Variants in DPF3 observed in about 807,000 individuals in gnomAD.
DPF3 encodes the protein zinc finger protein DPF3.
In DPF3, 18 loss-of-function variants were observed where a neutral mutation model predicts 56.8. That is an observed-to-expected ratio of 0.32 (90% CI 0.22 to 0.47). DPF3 has a LOEUF of 0.47. DPF3 is among the 20% of genes least tolerant of loss of function. The pLI is 1.00. For synonymous variants in DPF3, 188 were observed against 180.2 expected (o/e 1.04, Z -0.35); for missense variants, 403 against 488.8 (o/e 0.82, Z 1.65).
At chr14:72,893,012 G>GC (rs879932565) in intron 1 of DPF3, among the ~76,000 whole-genome samples, 2,195 of 123,438 alleles carry the variant, frequency 0.018, 105 homozygotes, top group South Asian at 0.028. Flanking sequence ...AGGAAGGAAG[G>GC]AAGGAAGGAA....
chr14:72,661,264 G>T (rs1192476832), intron 8 of DPF3: 1 of 985,294 alleles, frequency 1.0e-6, no homozygotes, highest in Non-Finnish European at 1.2e-6. Flanking sequence ...GACACTCTCG[G>T]TGATCCCCTC....
chr14:72,784,605 T>C (rs1369753051), intron 1 of DPF3, among the ~76,000 whole-genome samples: 1 of 152,166 alleles, frequency 6.6e-6, no homozygotes, highest in African/African-American at 2.4e-5. Flanking sequence ...GTCCACCTCA[T>C]CAAGAGTCAT....
intron 1 of DPF3, among the ~76,000 whole-genome samples, chr14:72,776,963 A>T (rs1410183461): frequency 6.6e-6 from 1 of 152,038 alleles, no homozygotes; most frequent in Non-Finnish European, 1.5e-5. Context: ...GAACTGAGTT[A>T]TTTCATTTAT....
In DPF3 at chr14:72,611,290, C is replaced by T. The variant is rs114370169; in HGVS notation, c.*8007G>A. Among the ~76,000 whole-genome samples, 2,942 of 152,304 alleles carry T rather than the reference C, an allele frequency of 0.019. 78 individuals are homozygous for T. The highest frequency in any genetic ancestry group is 0.068 in the African/African-American group (2,808 of 41,544). On this transcript the variant is annotated 3_prime_UTR_variant, in exon 11 of 11. Transcript: ENST00000556509. ...TGGAGAAAAGGAAAGATGAAACAAACGGTTTATTCCTAATGCTGTCAACAC... is the reference window on the plus strand; with the variant it reads ...TGGAGAAAAGGAAAGATGAAACAAATGGTTTATTCCTAATGCTGTCAACAC...
intron 6 of DPF3, among the ~76,000 whole-genome samples, chr14:72,709,185 C>T (rs1042081368): frequency 3.3e-5 from 5 of 152,222 alleles, no homozygotes; most frequent in Admixed American, 3.3e-4. Flanking sequence ...CAGGGTGAAG[C>T]GGCCACACAG....
At chr14:72,625,410 GAC>G (rs755604941) in intron 9 of DPF3, among the ~76,000 whole-genome samples, 20 of 152,034 alleles carry the variant, frequency 1.3e-4, no homozygotes, top group Non-Finnish European at 2.2e-4. Flanking sequence ...GTGTCCTCTA[GAC>G]GCATGAAAAT....
At chr14:72,751,188 CTCTAAACAAAAA>C (rs1231728020) in intron 3 of DPF3, among the ~76,000 whole-genome samples, 2 of 152,072 alleles carry the variant, frequency 1.3e-5, no homozygotes, top group African/African-American at 4.8e-5. Flanking sequence ...TGACCCTACC[CTCTAAACAAAAA>C]TTAAAAAATA....
At chr14:72,808,224 C>T (rs1156358819) in intron 1 of DPF3, among the ~76,000 whole-genome samples, 2 of 152,032 alleles carry the variant, frequency 1.3e-5, no homozygotes, top group African/African-American at 4.8e-5. Context: ...ACCAGCAGAA[C>T]CGAGGTGAAA....
Position 72,612,441 on chromosome 14 carries a change from T to C in DPF3, c.*6856A>G, listed in dbSNP as rs1277469494. ...GCAGTGTTTCTGTCCTTTTTTTTTT[T>C]CTAGTACCTAATTTAGGCTTCTTCA... is the stretch of plus-strand genomic sequence containing the variant. On this transcript the variant is annotated 3_prime_UTR_variant, in exon 11 of 11. Coordinates refer to ENST00000556509, the MANE Select transcript of DPF3 (RefSeq NM_001280542.3). The C allele has an allele frequency of 9.7e-6, 5 of 517,200 alleles. No individual in the cohort carries two copies. The highest frequency in any genetic ancestry group is 3.9e-5 in the African/African-American group (2 of 51,852). The allele number at this position is 517,200 out of a possible 1,614,324, so 32.0% of individuals were successfully genotyped here. A position where few individuals can be genotyped will look rare whatever the true frequency, so the allele number is the denominator to read the frequency against.
intron 1 of DPF3, among the ~76,000 whole-genome samples, chr14:72,845,258 A>C (rs1359912302): frequency 6.6e-6 from 1 of 152,172 alleles, no homozygotes. Flanking sequence ...GAAACCATGA[A>C]AGAGAAGAAA....
chr14:72,788,551 C>T (rs1478268275), intron 1 of DPF3, among the ~76,000 whole-genome samples: 1 of 152,142 alleles, frequency 6.6e-6, no homozygotes, highest in Non-Finnish European at 1.5e-5. Flanking sequence ...CTAATAATTA[C>T]CTTGCAGAGG....
chr14:72,679,231 G>A (rs1434640523), intron 7 of DPF3: 2 of 152,242 alleles, frequency 1.3e-5, no homozygotes, highest in Admixed American at 6.5e-5. Flanking sequence ...TGACTGGCAG[G>A]GACAAACCAG....
rs1384630774 is a variant in DPF3 at position 72,645,431 on chromosome 14, C to T, written c.872-15695G>A. Among the ~76,000 whole-genome samples, 5 of 152,248 alleles carry T rather than the reference C, an allele frequency of 3.3e-5. No homozygotes were observed. In the East Asian group the frequency reaches 9.7e-4, roughly 29 times the overall value. ...CCTTCCTCCTCAGCATCCACGTCCC[C>T]CTACCTGCCTCCCCCAGTAGCTGGG... On this transcript the variant is annotated intron_variant, in intron 8 of 10. Coordinates refer to ENST00000556509, the MANE Select transcript of DPF3 (RefSeq NM_001280542.3).
chr14:72,667,986 T>G (rs1198301992), intron 8 of DPF3, among the ~76,000 whole-genome samples: 1 of 152,178 alleles, frequency 6.6e-6, no homozygotes, highest in Admixed American at 6.5e-5. Flanking sequence ...ATTACTAACC[T>G]CAGTTTCCGC....
chr14:72,723,705 A>G lies in DPF3; in HGVS notation c.453T>C (p.Asn151=). The part of the protein sequence containing the change: ...EIQRVLENDE[N]VEEGNEEEDL... ...CCTCTTCTTCATTCCCTTCTTCTAC[A>G]TTTTCATCATTTTCCAAAACCCTCT... The change falls in exon 5 of 11, where the codon AAT becomes AAC. Residue 151 remains asparagine, a synonymous_variant. Coordinates refer to ENST00000556509, the MANE Select transcript of DPF3 (RefSeq NM_001280542.3). 2 of 1,579,072 alleles carry G rather than the reference A, an allele frequency of 1.3e-6. No individual in the cohort carries two copies. The highest frequency in any genetic ancestry group is 2.4e-5 in the South Asian group (2 of 83,634).
At chr14:72,772,171 G>A (rs1891562235) in intron 1 of DPF3, among the ~76,000 whole-genome samples, 1 of 152,214 alleles carries the variant, frequency 6.6e-6, no homozygotes, top group Admixed American at 6.5e-5. Context: ...CAGTAAGAGA[G>A]AGCTGTCCAT....
rs779741637 is a variant in DPF3 at position 72,773,970 on chromosome 14, G to C, written c.33-2077C>G. On this transcript the variant is annotated intron_variant, in intron 1 of 10. Coordinates refer to ENST00000556509, the MANE Select transcript of DPF3 (RefSeq NM_001280542.3). ...CTGAATAATGCTGCTATGAACATGA[G>C]TATACAAATATCTTTTCAAAACCCT... 3.1e-5 allele frequency: 14 copies of C among 455,044 alleles called. 1 individual carries two copies. Among genetic ancestry groups the C allele is most frequent in the South Asian group, 2.2e-4 (14 of 64,506 alleles). The allele number at this position is 455,044 out of a possible 1,614,324, so 28.2% of individuals were successfully genotyped here. A position where few individuals can be genotyped will look rare whatever the true frequency, so the allele number is the denominator to read the frequency against.
chr14:72,652,536 C>T (rs1201819465), intron 8 of DPF3, among the ~76,000 whole-genome samples: 1 of 152,170 alleles, frequency 6.6e-6, no homozygotes, highest in Non-Finnish European at 1.5e-5. Flanking sequence ...GTCTTTCTCC[C>T]TGGGCCATTT....
At chr14:72,648,299 C>T (rs187102124) in intron 8 of DPF3, among the ~76,000 whole-genome samples, 12 of 152,340 alleles carry the variant, frequency 7.9e-5, no homozygotes, top group Admixed American at 3.3e-4. Flanking sequence ...TGGAGGCTCA[C>T]GCCTCTAATC....
Sources: gnomAD v4.1 joint callset for allele counts (sites outside exome capture counted in the v4.1 genomes callset) on GRCh38, gnomAD v4.1.1 for gene constraint, MANE v1.5 for transcripts, NCBI Gene and HGNC (gene_info 2026-07-23, HGNC 2026-07-21) for gene names.